The following ASB15 variants were observed in gnomAD, a reference collection of about 807,000 sequenced individuals.
The protein encoded by ASB15 is ankyrin repeat and SOCS box containing 15, also known as ankyrin repeat and SOCS box protein 15.
In ASB15, 54 loss-of-function variants were observed where a neutral mutation model predicts 58.0. The ratio of observed to expected loss-of-function variants is 0.93; its 90% CI spans 0.75 to 1.17. ASB15 has a LOEUF of 1.17. ASB15 is among the 50% of genes most tolerant of loss of function. The probability of loss-of-function intolerance (pLI) is 0.00; values close to 1 mark genes in which losing one functional copy is unlikely to be tolerated. For missense variants in ASB15, 680 were observed against 707.4 expected (o/e 0.96, Z 0.44); for synonymous variants, 249 against 262.4 (o/e 0.95, Z 0.50).
Position 123,611,100 on chromosome 7 carries a change from A to AG in ASB15, c.-3+2446_-3+2447insG, listed in dbSNP as rs1168377341. Among the ~76,000 whole-genome samples, 4 of 150,252 alleles carry AG rather than the reference A, an allele frequency of 2.7e-5. No homozygotes were observed. The Admixed American group carries it at 2.8e-4, about 10-fold the overall frequency. ...TCCATCTCAAAAAAAAAAAAAAAAA[A>AG]AAAAGAAAAGAAAAATCAATTTTCT... On this transcript the variant is annotated intron_variant, in intron 3 of 11. Transcript: ENST00000451215.
At chr7:123,617,865 C>T (rs1800930797) in intron 7 of ASB15, 128 bp downstream of exon 7, 2 of 894,720 alleles carry the variant, frequency 2.2e-6, no homozygotes, top group Admixed American at 2.9e-5. Flanking sequence ...TTGCCTAACC[C>T]CCATGTCTTC....
chr7:123,621,562 A>G (rs889506882), intron 7 of ASB15: 2 of 152,106 alleles, frequency 1.3e-5, no homozygotes, highest in Non-Finnish European at 2.9e-5. Flanking sequence ...GGAAAAAAGT[A>G]TTTCTTCTTT....
intron 3 of ASB15, among the ~76,000 whole-genome samples, chr7:123,611,847 G>C: frequency 6.6e-6 from 1 of 152,044 alleles, no homozygotes; most frequent in East Asian, 1.9e-4. Context: ...TCAGGAAAAG[G>C]CTGGAGACAC....
intron 11 of ASB15, among the ~76,000 whole-genome samples, chr7:123,634,206 C>G (rs1057121448): frequency 2.0e-5 from 3 of 152,048 alleles, no homozygotes; most frequent in African/African-American, 4.8e-5. Context: ...CCCCAGCCAC[C>G]CCCCCGACAG....
At chr7:123,619,804 T>C (rs528318445) in intron 7 of ASB15, among the ~76,000 whole-genome samples, 45 of 152,338 alleles carry the variant, frequency 3.0e-4, no homozygotes, top group African/African-American at 1.0e-3. Context: ...ATTACAGGCG[T>C]GAGCCACCGC....
At chr7:123,583,828 C>T in intron 1 of ASB15, among the ~76,000 whole-genome samples, 1 of 151,840 alleles carries the variant, frequency 6.6e-6, no homozygotes, top group East Asian at 1.9e-4. Context: ...GAAGTGTAGC[C>T]AGTTAGTGAG....
Position 123,629,038 on chromosome 7 carries a change from T to A in ASB15, c.1044T>A (p.Asp348Glu), listed in dbSNP as rs746311385. The change falls in exon 10 of 12, where the codon GAT (aspartate) becomes GAA (glutamate). Residue 348 changes from aspartate (D) to glutamate (E), a missense_variant. Coordinates refer to ENST00000451215, the MANE Select transcript of ASB15 (RefSeq NM_001290258.2). ...LADHISQSYD[D>E]ERKTALYFGV... ...ACCACATTTCCCAGAGCTATGACGA[T>A]GAGAGGAAGACTGCGCTGTATTTTG... The A allele has an allele frequency of 1.2e-4, 193 of 1,613,690 alleles. No homozygotes were observed. The highest frequency in any genetic ancestry group is 1.4e-4 in the Non-Finnish European group (171 of 1,179,852).
At chr7:123,592,540 G>T (rs111250789) in intron 1 of ASB15, among the ~76,000 whole-genome samples, 44,758 of 151,958 alleles carry the variant, frequency 0.29, 6,734 homozygotes, top group East Asian at 0.4. Flanking sequence ...ATTTTGTTAT[G>T]TACCCAGTAG....
intron 7 of ASB15, among the ~76,000 whole-genome samples, chr7:123,619,019 CA>C (rs776127134): frequency 3.5e-4 from 53 of 151,400 alleles, no homozygotes; most frequent in Non-Finnish European, 6.3e-4. Flanking sequence ...ACTAAAAATA[CA>C]AAAACAAAAA....
intron 11 of ASB15, among the ~76,000 whole-genome samples, chr7:123,630,349 C>T (rs894157812): frequency 1.3e-5 from 2 of 152,194 alleles, no homozygotes; most frequent in Non-Finnish European, 2.9e-5. Flanking sequence ...GCTATATTAA[C>T]GTTCTGATTA....
intron 1 of ASB15, among the ~76,000 whole-genome samples, chr7:123,571,225 C>A (rs1434549860): frequency 6.6e-6 from 1 of 152,154 alleles, no homozygotes; most frequent in Non-Finnish European, 1.5e-5. Context: ...ATTGGGAGCA[C>A]TTTATCAAAC....
chr7:123,594,702 C>A (rs1799643572), intron 1 of ASB15, among the ~76,000 whole-genome samples: 1 of 152,140 alleles, frequency 6.6e-6, no homozygotes, highest in African/African-American at 2.4e-5. Flanking sequence ...CTGTCAGCCC[C>A]TACTGGGAGG....
chr7:123,611,192 T>C (rs1048766736), intron 3 of ASB15, among the ~76,000 whole-genome samples: 2 of 152,056 alleles, frequency 1.3e-5, no homozygotes, highest in African/African-American at 4.8e-5. Flanking sequence ...TGGCCTTTCC[T>C]CATGCTTCTG....
At chr7:123,579,121 A>T (rs193064555) in intron 1 of ASB15, among the ~76,000 whole-genome samples, 12 of 152,076 alleles carry the variant, frequency 7.9e-5, no homozygotes, top group Admixed American at 2.0e-4. Context: ...GTCCACGTAT[A>T]TCATTGTTTA....
At chr7:123,619,707 TA>T (rs1482633666) in intron 7 of ASB15, among the ~76,000 whole-genome samples, 11 of 152,060 alleles carry the variant, frequency 7.2e-5, no homozygotes, top group Admixed American at 1.3e-4. Context: ...GTATTTTTAG[TA>T]GAGATGGGGT....
intron 1 of ASB15, among the ~76,000 whole-genome samples, chr7:123,578,277 A>T (rs1799123955): frequency 6.6e-6 from 1 of 151,356 alleles, no homozygotes; most frequent in East Asian, 1.9e-4. Flanking sequence ...AAATTCATCT[A>T]AAGCCTCTTG....
intron 2 of ASB15, 97 bp from the exon 3 acceptor site, chr7:123,608,497 T>C (rs1403100074): frequency 1.3e-5 from 2 of 152,088 alleles, no homozygotes; most frequent in African/African-American, 4.8e-5. Flanking sequence ...ACTAAGATTG[T>C]TTGTGTGTGT....
intron 8 of ASB15, among the ~76,000 whole-genome samples, chr7:123,626,472 CATAAATAAATAA>C (rs550822805): frequency 6.6e-6 from 1 of 151,870 alleles, no homozygotes; most frequent in Admixed American, 6.6e-5. Context: ...ATTCTGTCAA[CATAAATAAATAA>C]ATAAATAAAT....
intron 1 of ASB15, among the ~76,000 whole-genome samples, chr7:123,593,654 G>A (rs1799610949): frequency 6.6e-6 from 1 of 152,108 alleles, no homozygotes; most frequent in Non-Finnish European, 1.5e-5. Context: ...CCACTGTTAA[G>A]TCTGATGGGC....
Sources: allele counts gnomAD v4.1 joint callset (sites outside exome capture counted in the v4.1 genomes callset), GRCh38; gene constraint gnomAD v4.1.1; transcripts MANE v1.5; gene names NCBI Gene and HGNC (gene_info 2026-07-23, HGNC 2026-07-21).